UTP18: variants seen among roughly 807,000 people sequenced by gnomAD.
UTP18 encodes UTP18 small subunit processome component, also known as U3 small nucleolar RNA-associated protein 18 homolog.
UTP18 carries 36 observed loss-of-function variants against 61.1 expected under a neutral mutation model. The ratio of observed to expected loss-of-function variants is 0.59; its 90% CI spans 0.45 to 0.78. The LOEUF (loss-of-function observed/expected upper bound fraction) is 0.78, where lower values mean the gene tolerates loss of function less well. Among genes scored for constraint, UTP18 ranks in the 30% least tolerant of loss-of-function variants. The pLI, the probability that UTP18 is intolerant of heterozygous loss-of-function variation, is 0.00. For missense variants in UTP18, 753 were observed against 693.9 expected (o/e 1.09, Z -0.96); for synonymous variants, 282 against 251.1 (o/e 1.12, Z -1.16).
At chr17:51,282,671 T>A (rs1192382280) in intron 9 of UTP18, among the ~76,000 whole-genome samples, 1 of 152,060 alleles carries the variant, frequency 6.6e-6, no homozygotes, top group African/African-American at 2.4e-5. Context: ...TGAAATTTGA[T>A]ATATGAATTG....
Position 51,273,267 on chromosome 17 carries a change from G to C in UTP18, c.623-95G>C. ...TTGAGGTAGGGAGGCTGGAAAGGGAGTTGATGTTGAAAATATATTCATAGA... is the reference window on the plus strand; with the variant it reads ...TTGAGGTAGGGAGGCTGGAAAGGGACTTGATGTTGAAAATATATTCATAGA... On this transcript the variant is annotated intron_variant, in intron 4 of 13. Transcript: ENST00000225298. 3.7e-6 allele frequency: 3 copies of C among 816,930 alleles called. No individual in the cohort carries two copies. The South Asian group carries it at 1.0e-4, about 27-fold the overall frequency. The allele number at this position is 816,930 out of a possible 1,614,324, so 50.6% of individuals were successfully genotyped here.
At chr17:51,265,562 C>CTTTTTTT (rs10695281) in intron 2 of UTP18, among the ~76,000 whole-genome samples, 46 of 85,558 alleles carry the variant, frequency 5.4e-4, no homozygotes, top group African/African-American at 2.0e-3. Context: ...CGTGCCCGGC[C>CTTTTTTT]TTTTTTTTTT....
chr17:51,281,430 A>G (rs1230455308), intron 9 of UTP18, among the ~76,000 whole-genome samples: 1 of 151,854 alleles, frequency 6.6e-6, no homozygotes, highest in Non-Finnish European at 1.5e-5. Context: ...TTTTTTCTCT[A>G]TTCTCTCTTT....
At chr17:51,261,039 T>TG in intron 1 of UTP18, 113 bp downstream of exon 1, 1 of 1,018,246 alleles carries the variant, frequency 9.8e-7, no homozygotes. Flanking sequence ...AGCGCTCAGG[T>TG]GGGAGGGAGC....
At position 51,293,953 on chromosome 17, in the gene UTP18, TAAG is replaced by T; in HGVS notation, c.1557_1559del (p.Lys519del). ...TTTCAAACTTCCCAGTCATTAAAAA[TAAG>T]AATATTTCTCATGTTCATACCATGG... On this transcript the variant is annotated inframe_deletion, in exon 12 of 14. Coordinates refer to ENST00000225298, the MANE Select transcript of UTP18 (RefSeq NM_016001.3). 1.2e-6 allele frequency: 2 copies of T among 1,606,292 alleles called. No homozygotes were observed. The highest frequency in any genetic ancestry group is 2.2e-5 in the East Asian group (1 of 44,454).
chr17:51,263,200 G>A, intron 1 of UTP18, 74 bp from the exon 2 acceptor site: 1 of 1,178,262 alleles, frequency 8.5e-7, no homozygotes, highest in South Asian at 1.3e-5. Flanking sequence ...TGAGCCATTT[G>A]GCTGTAAGGC....
chr17:51,270,942 T>C (rs938982640), intron 4 of UTP18, among the ~76,000 whole-genome samples: 28 of 152,220 alleles, frequency 1.8e-4, no homozygotes, highest in African/African-American at 5.8e-4. Context: ...GGTATACTTA[T>C]TGTTGACAGA....
chr17:51,271,483 A>C (rs959420228), intron 4 of UTP18, among the ~76,000 whole-genome samples: 3 of 151,840 alleles, frequency 2.0e-5, no homozygotes, highest in African/African-American at 7.3e-5. Context: ...ATGAAAAAAA[A>C]AATTTTTTTT....
At chr17:51,292,698 A>G (rs950726593) in intron 11 of UTP18, among the ~76,000 whole-genome samples, 1 of 152,202 alleles carries the variant, frequency 6.6e-6, no homozygotes, top group African/African-American at 2.4e-5. Context: ...TGTTGTTACA[A>G]TTGTGGCCTA....
chr17:51,266,028 A>G (rs2055557071), intron 2 of UTP18, among the ~76,000 whole-genome samples, 154 bp from the exon 3 acceptor site: 1 of 152,238 alleles, frequency 6.6e-6, no homozygotes. Context: ...TTGTTCTTTT[A>G]GGAAGAACAG....
chr17:51,270,996 T>A (rs886781877), intron 4 of UTP18, among the ~76,000 whole-genome samples: 1 of 152,220 alleles, frequency 6.6e-6, no homozygotes, highest in African/African-American at 2.4e-5. Context: ...CAGTGTGTTA[T>A]TTTTATCTGT....
rs1302049777 is a variant in UTP18, at chr17:51,272,800, T to TC, written c.623-559dup. ...TGTCAAGAAGCTTAGAGCTAGTTTTTCCCTTCTTAGCTCCGCAAGTGTTTT... is the reference window on the plus strand; with the variant it reads ...TGTCAAGAAGCTTAGAGCTAGTTTTTCCCCTTCTTAGCTCCGCAAGTGTTTT... On this transcript the variant is annotated intron_variant, in intron 4 of 13. Coordinates refer to ENST00000225298, the MANE Select transcript of UTP18 (RefSeq NM_016001.3). 3.9e-5 allele frequency among the ~76,000 whole-genome samples: 6 copies of TC among 152,340 alleles called. No individual in the cohort carries two copies. The East Asian group carries it at 9.6e-4, about 24-fold the overall frequency.
At chr17:51,260,993 CGG>C in intron 1 of UTP18, 67 bp downstream of exon 1, 1 of 1,339,332 alleles carries the variant, frequency 7.5e-7, no homozygotes. Context: ...GGTGAAGCTC[CGG>C]GGGGCGGAGC....
rs1160908050 is a variant in UTP18 at position 51,260,604 on chromosome 17, G to A, written c.20G>A (p.Arg7Lys). Residue 7 changes from arginine to lysine, a missense_variant, in exon 1 of 14, where the codon AGA (arginine) becomes AAA (lysine). By Grantham distance (26) the Arg-to-Lys change is conservative. Coordinates refer to ENST00000225298, the MANE Select transcript of UTP18 (RefSeq NM_016001.3). MPPERR[R>K]RMKLDRRTGA... is the part of the protein sequence containing the mutation. ...CTAACGATGCCGCCGGAGCGGAGGA[G>A]ACGAATGAAACTGGACCGGAGAACC... 1.1e-5 allele frequency: 17 copies of A among 1,612,494 alleles called. No individual in the cohort carries two copies. The highest frequency in any genetic ancestry group is 2.2e-5 in the South Asian group (2 of 91,074).
chr17:51,261,321 C>T (rs944669092), intron 1 of UTP18, among the ~76,000 whole-genome samples: 6 of 152,296 alleles, frequency 3.9e-5, no homozygotes, highest in African/African-American at 1.4e-4. Flanking sequence ...TTCGTGGGCA[C>T]GGGCCTGGGC....
At chr17:51,261,525 C>T (rs1598470733) in intron 1 of UTP18, among the ~76,000 whole-genome samples, 1 of 152,274 alleles carries the variant, frequency 6.6e-6, no homozygotes, top group Admixed American at 6.5e-5. Context: ...CTATACCAGG[C>T]TTTTCTTGAG....
intron 9 of UTP18, among the ~76,000 whole-genome samples, chr17:51,283,329 G>A (rs1057147714): frequency 1.3e-5 from 2 of 151,236 alleles, no homozygotes; most frequent in Admixed American, 6.6e-5. Context: ...CCACCACATC[G>A]GCTAATTTTT....
At chr17:51,289,355 C>T (rs1421493965) in intron 11 of UTP18, among the ~76,000 whole-genome samples, 1 of 146,922 alleles carries the variant, frequency 6.8e-6, no homozygotes, top group Non-Finnish European at 1.5e-5. Flanking sequence ...CGCCACCACG[C>T]CCAGCTCATT....
chr17:51,268,668 G>C (rs920642367), intron 3 of UTP18, among the ~76,000 whole-genome samples, 169 bp from the exon 4 acceptor site: 1 of 152,204 alleles, frequency 6.6e-6, no homozygotes, highest in South Asian at 2.1e-4. Flanking sequence ...GGTTGGGACT[G>C]TTCTGTGTGA....
Sources: allele counts gnomAD v4.1 joint callset (sites outside exome capture counted in the v4.1 genomes callset), GRCh38; gene constraint gnomAD v4.1.1; transcripts MANE v1.5; gene names NCBI Gene and HGNC (gene_info 2026-07-23, HGNC 2026-07-21).